GOLPH3L: variants seen among roughly 807,000 people sequenced by gnomAD.
GOLPH3L encodes golgi phosphoprotein 3 like.
Under a neutral mutation model 30.3 loss-of-function variants are expected in GOLPH3L, and 22 were observed. The observed-to-expected ratio is 0.73, with a 90% CI of 0.52 to 1.04. The LOEUF (loss-of-function observed/expected upper bound fraction) is 1.04, where lower values mean the gene tolerates loss of function less well. Among genes scored for constraint, GOLPH3L ranks in the 50% least tolerant of loss-of-function variants. The pLI, the probability that GOLPH3L is intolerant of heterozygous loss-of-function variation, is 0.00. For synonymous variants in GOLPH3L, 120 were observed against 128.2 expected (o/e 0.94, Z 0.43); for missense variants, 303 against 345.8 (o/e 0.88, Z 0.98).
intron 2 of GOLPH3L, among the ~76,000 whole-genome samples, chr1:150,677,626 TTC>T (rs1266643464): frequency 6.6e-6 from 1 of 151,780 alleles, no homozygotes; most frequent in African/African-American, 2.4e-5. Flanking sequence ...CTTCAAACAT[TTC>T]TTTTTTTTTT....
At chr1:150,672,729 C>T (rs1004172514) in intron 2 of GOLPH3L, among the ~76,000 whole-genome samples, 4 of 152,160 alleles carry the variant, frequency 2.6e-5, no homozygotes, top group African/African-American at 9.7e-5. Context: ...CTGCACCTGG[C>T]CAAGAGATTT....
chr1:150,686,022 G>A (rs587657954), intron 2 of GOLPH3L, among the ~76,000 whole-genome samples: 4 of 151,556 alleles, frequency 2.6e-5, no homozygotes, highest in Non-Finnish European at 2.9e-5. Context: ...TTACAGGTGC[G>A]TGCCACCACA....
chr1:150,674,828 G>C (rs1416238976), intron 2 of GOLPH3L, among the ~76,000 whole-genome samples: 2 of 151,908 alleles, frequency 1.3e-5, no homozygotes, highest in East Asian at 4.0e-4. Context: ...GGAGGTCAAG[G>C]GGGCAGTGAG....
intron 2 of GOLPH3L, among the ~76,000 whole-genome samples, chr1:150,682,286 T>A (rs1274412355): frequency 3.9e-5 from 6 of 152,038 alleles, no homozygotes; most frequent in African/African-American, 1.4e-4. Flanking sequence ...ATCCATGTTA[T>A]CTCACACCCC....
chr1:150,690,523 G>A (rs587664219), intron 2 of GOLPH3L, among the ~76,000 whole-genome samples: 1 of 152,176 alleles, frequency 6.6e-6, no homozygotes, highest in Admixed American at 6.5e-5. Flanking sequence ...AAATGAAATG[G>A]GCTTTGCTGT....
At chr1:150,683,751 T>C (rs1571053372) in intron 2 of GOLPH3L, among the ~76,000 whole-genome samples, 1 of 105,472 alleles carries the variant, frequency 9.5e-6, no homozygotes, top group South Asian at 3.0e-4. Flanking sequence ...ACTCAATAAA[T>C]GTTGGCTCAC....
At chr1:150,654,781 T>C (rs768389493) in intron 4 of GOLPH3L, among the ~76,000 whole-genome samples, 5 of 152,234 alleles carry the variant, frequency 3.3e-5, no homozygotes, top group Non-Finnish European at 7.3e-5. Context: ...AGATTTATGC[T>C]GCACAAAAGC....
At chr1:150,696,800 G>A (rs1466689939) in intron 1 of GOLPH3L, among the ~76,000 whole-genome samples, 192 bp downstream of exon 1, 1 of 136,240 alleles carries the variant, frequency 7.3e-6, no homozygotes, top group Non-Finnish European at 1.6e-5. Context: ...GGGGGGAGGG[G>A]GAGAGGGGGC....
chr1:150,653,937 A>AT (rs1650183580), intron 4 of GOLPH3L, among the ~76,000 whole-genome samples: 1 of 150,526 alleles, frequency 6.6e-6, no homozygotes, highest in African/African-American at 2.4e-5. Context: ...TAATTTTTGT[A>AT]TTTTCAGTAC....
chr1:150,674,402 A>C (rs1229582172), intron 2 of GOLPH3L, among the ~76,000 whole-genome samples: 1 of 151,896 alleles, frequency 6.6e-6, no homozygotes, highest in Non-Finnish European at 1.5e-5. Flanking sequence ...CTGGGATTAC[A>C]GGCATATGTC....
intron 4 of GOLPH3L, among the ~76,000 whole-genome samples, chr1:150,660,872 G>A (rs1426459207): frequency 2.0e-5 from 3 of 152,100 alleles, no homozygotes; most frequent in Non-Finnish European, 4.4e-5. Flanking sequence ...TAGAGGTGAC[G>A]GTTACAAAAT....
chr1:150,663,304 T>C (rs980630402), intron 3 of GOLPH3L, among the ~76,000 whole-genome samples: 1 of 152,106 alleles, frequency 6.6e-6, no homozygotes, highest in Non-Finnish European at 1.5e-5. Flanking sequence ...CCTCTCAAAG[T>C]GCTGGGATTA....
At chr1:150,662,345 C>T (rs1318634682) in intron 3 of GOLPH3L, among the ~76,000 whole-genome samples, 2 of 151,032 alleles carry the variant, frequency 1.3e-5, no homozygotes, top group South Asian at 4.2e-4. Flanking sequence ...AATCTTTTCT[C>T]TATTAAAAAA....
At chr1:150,671,533 G>A (rs1275750665) in intron 2 of GOLPH3L, among the ~76,000 whole-genome samples, 2 of 151,948 alleles carry the variant, frequency 1.3e-5, no homozygotes, top group East Asian at 1.9e-4. Flanking sequence ...AGGGCCGGGC[G>A]CGGTGGCTCA....
At chr1:150,656,671 G>A (rs1165218379) in intron 4 of GOLPH3L, among the ~76,000 whole-genome samples, 1 of 151,986 alleles carries the variant, frequency 6.6e-6, no homozygotes, top group South Asian at 2.1e-4. Context: ...GGATCAAATC[G>A]CTACCATGAT....
intron 2 of GOLPH3L, among the ~76,000 whole-genome samples, chr1:150,667,751 C>T (rs1352105950): frequency 6.6e-6 from 1 of 151,946 alleles, no homozygotes; most frequent in Non-Finnish European, 1.5e-5. Flanking sequence ...CGCCACCACA[C>T]CCAGCTAAAT....
At chr1:150,695,023 T>A (rs907045468) in intron 1 of GOLPH3L, among the ~76,000 whole-genome samples, 173 bp from the exon 2 acceptor site, 4 of 152,212 alleles carry the variant, frequency 2.6e-5, no homozygotes, top group African/African-American at 9.6e-5. Flanking sequence ...CAGTATCTTT[T>A]CCAAAGTACA....
At chr1:150,689,031 A>G (rs922124088) in intron 2 of GOLPH3L, among the ~76,000 whole-genome samples, 6 of 152,134 alleles carry the variant, frequency 3.9e-5, no homozygotes, top group South Asian at 2.1e-4. Flanking sequence ...CTCTCTTTCT[A>G]TGACATATGA....
intron 2 of GOLPH3L, among the ~76,000 whole-genome samples, chr1:150,667,580 TC>T (rs1257632017): frequency 1.4e-5 from 2 of 148,014 alleles, no homozygotes; most frequent in Non-Finnish European, 3.0e-5. Flanking sequence ...ACTAGTCTTT[TC>T]TTTTTTTTTC....
Sources: allele counts gnomAD v4.1 joint callset (sites outside exome capture counted in the v4.1 genomes callset), GRCh38; gene constraint gnomAD v4.1.1; transcripts MANE v1.5; gene names NCBI Gene and HGNC (gene_info 2026-07-23, HGNC 2026-07-21).